NECTIN1: variants seen among roughly 807,000 people sequenced by gnomAD.
NECTIN1 encodes nectin cell adhesion molecule 1.
Under a neutral mutation model 48.0 loss-of-function variants are expected in NECTIN1, and 23 were observed. The ratio of observed to expected loss-of-function variants is 0.48; its 90% CI spans 0.34 to 0.68. NECTIN1 has a LOEUF of 0.68. Among genes scored for constraint, NECTIN1 ranks in the 30% least tolerant of loss-of-function variants. The pLI is 0.01. For missense variants in NECTIN1, 591 were observed against 709.9 expected (o/e 0.83, Z 1.90); for synonymous variants, 270 against 288.9 (o/e 0.93, Z 0.66).
chr11:119,645,854 G>T (rs192422883), intron 5 of NECTIN1, among the ~76,000 whole-genome samples: 1 of 152,310 alleles, frequency 6.6e-6, no homozygotes, highest in Admixed American at 6.5e-5. Flanking sequence ...GAGCCAGGGT[G>T]GTGAGGGAAC....
rs575574028 is a variant in NECTIN1 at position 119,661,660 on chromosome 11, G to C, written c.*3087C>G. 106 of 985,902 alleles carry C rather than the reference G, an allele frequency of 1.1e-4. No individual in the cohort carries two copies. In the South Asian group the frequency reaches 4.2e-3, roughly 39 times the overall value. 61.1% of individuals were successfully genotyped at this position (985,902 alleles called of 1,614,324 possible). A position where few individuals can be genotyped will look rare whatever the true frequency, so the allele number is the denominator to read the frequency against. On this transcript the variant is annotated 3_prime_UTR_variant, in exon 6 of 6. Transcript: ENST00000264025. Reference sequence around the variant, plus strand: ...AGAAAAGTTATTGCACCAGTGACTTGGGCAAGTGGGGGTTGGCTGGCAGAG... The same window carrying C: ...AGAAAAGTTATTGCACCAGTGACTTCGGCAAGTGGGGGTTGGCTGGCAGAG...
chr11:119,664,885 A>G lies in NECTIN1; in HGVS notation c.1416T>C (p.Asp472=). Reference sequence around the variant, plus strand: ...AGCCGTCCTGACGGGCCTCGGCCTCATCCACGGTGAAGTAGGGCCGCTTGG... The same window carrying G: ...AGCCGTCCTGACGGGCCTCGGCCTCGTCCACGGTGAAGTAGGGCCGCTTGG... The part of the protein sequence containing the change: ...EDAKRPYFTV[D]EAEARQDGYG... Residue 472 remains aspartate (D), a synonymous_variant, in exon 6 of 6, where the codon GAT becomes GAC. Transcript: ENST00000264025. 1 of 1,613,998 alleles carries G rather than the reference A, an allele frequency of 6.2e-7. No individual in the cohort carries two copies. Among genetic ancestry groups the G allele is most frequent in the South Asian group, 1.1e-5 (1 of 91,078 alleles).
chr11:119,696,826 C>T (rs145542349), intron 1 of NECTIN1, among the ~76,000 whole-genome samples: 34 of 152,290 alleles, frequency 2.2e-4, no homozygotes, highest in Admixed American at 7.2e-4. Flanking sequence ...GGCATAGGGG[C>T]GGATGGGGCG....
At chr11:119,647,011 G>A (rs1401240866) in intron 5 of NECTIN1, among the ~76,000 whole-genome samples, 2 of 152,108 alleles carry the variant, frequency 1.3e-5, no homozygotes, top group African/African-American at 2.4e-5. Flanking sequence ...GCTGAGGCTC[G>A]CATCCCTGAT....
Position 119,673,191 on chromosome 11 carries a change from C to T in NECTIN1, c.1003+1968G>A, listed in dbSNP as rs1288263716. 1.3e-5 allele frequency among the ~76,000 whole-genome samples: 2 copies of T among 152,190 alleles called. No individual in the cohort carries two copies. Among genetic ancestry groups the T allele is most frequent in the Admixed American group, 6.5e-5 (1 of 15,276 alleles). On this transcript the variant is annotated intron_variant, in intron 5 of 5. Transcript: ENST00000264025. The surrounding 1 kb of genome is among the most constrained non-coding windows in gnomAD (Gnocchi z 5.8). Reference sequence around the variant, plus strand: ...TGGAGGGTGGTGAGGTCAGCTGCTGCTTGGAAATTGCCTGAGAGCACAAGA... The same window carrying T: ...TGGAGGGTGGTGAGGTCAGCTGCTGTTTGGAAATTGCCTGAGAGCACAAGA...
At position 119,661,361 on chromosome 11, in the gene NECTIN1, T is replaced by C; in HGVS notation, c.*3386A>G. On this transcript the variant is annotated 3_prime_UTR_variant, in exon 6 of 6. Transcript: ENST00000264025. Reference sequence around the variant, plus strand: ...ACAAGCTGGGCAGTGTTGGCAGCAGTGGCAGCAGCAGAGGGGCCTGCCTCC... The same window carrying C: ...ACAAGCTGGGCAGTGTTGGCAGCAGCGGCAGCAGCAGAGGGGCCTGCCTCC... The C allele has an allele frequency of 3.0e-6, 3 of 986,540 alleles. No homozygotes were observed. The highest frequency in any genetic ancestry group is 9.4e-5 in the South Asian group (2 of 21,292). 61.1% of individuals were successfully genotyped at this position (986,540 alleles called of 1,614,324 possible). A position where few individuals can be genotyped will look rare whatever the true frequency, so the allele number is the denominator to read the frequency against.
chr11:119,690,319 C>CA (rs1422311213), intron 1 of NECTIN1, among the ~76,000 whole-genome samples: 11 of 151,778 alleles, frequency 7.2e-5, no homozygotes, highest in South Asian at 4.2e-4. Context: ...CCAACAACAA[C>CA]AAAAAAAATA....
chr11:119,649,390 A>G (rs1864458037), intron 5 of NECTIN1, among the ~76,000 whole-genome samples: 1 of 149,726 alleles, frequency 6.7e-6, no homozygotes, highest in Non-Finnish European at 1.5e-5. Flanking sequence ...AAAAAAAAAA[A>G]AGAAAAAGAA....
intron 1 of NECTIN1, among the ~76,000 whole-genome samples, chr11:119,719,188 A>G (rs896100950): frequency 2.0e-5 from 3 of 152,186 alleles, no homozygotes; most frequent in South Asian, 4.1e-4. Flanking sequence ...TTCAGCACTA[A>G]TAACTCCCCA....
At chr11:119,691,609 G>A (rs1397832976) in intron 1 of NECTIN1, among the ~76,000 whole-genome samples, 6 of 152,216 alleles carry the variant, frequency 3.9e-5, no homozygotes, top group African/African-American at 1.4e-4. Context: ...AAGGCTGAAA[G>A]GGGCGGTGGG....
intron 5 of NECTIN1, chr11:119,640,734 G>C (rs991093229): frequency 2.0e-5 from 3 of 152,328 alleles, no homozygotes; most frequent in Non-Finnish European, 4.4e-5. Flanking sequence ...GGCACATGCT[G>C]CTTCTCAGCG....
intron 1 of NECTIN1, among the ~76,000 whole-genome samples, chr11:119,711,291 G>A (rs1011630765): frequency 1.3e-5 from 2 of 151,998 alleles, no homozygotes; most frequent in Non-Finnish European, 2.9e-5. Context: ...TTGGGAGGCT[G>A]AGGCAGGAGA....
chr11:119,667,288 C>G (rs1267736243), intron 5 of NECTIN1, among the ~76,000 whole-genome samples: 2 of 152,240 alleles, frequency 1.3e-5, no homozygotes, highest in African/African-American at 2.4e-5. Flanking sequence ...TGCCTGCCCC[C>G]CTCCTCGGTT....
chr11:119,728,533 C>A lies in NECTIN1; in HGVS notation c.21G>T (p.Ala7=). 1 of 1,591,616 alleles carries A rather than the reference C, an allele frequency of 6.3e-7. No individual in the cohort carries two copies. Among genetic ancestry groups the A allele is most frequent in the East Asian group, 2.3e-5 (1 of 42,960 alleles). The change falls in exon 1 of 6, where the codon GCG becomes GCT. Residue 7 remains alanine (A), a synonymous_variant. Coordinates refer to ENST00000264025, the MANE Select transcript of NECTIN1 (RefSeq NM_002855.5). ...GTCCCCACCAGCGTCCAGCGGCGCC[C>A]GCAAGCCCCATCCGAGCCATCGGGG... is the stretch of plus-strand genomic sequence containing the variant. MARMGL[A]GAAGRWWGLA... is the part of the protein sequence containing the mutation.
chr11:119,677,688 G>A lies in NECTIN1; in HGVS notation c.600C>T (p.Asn200=). The change falls in exon 3 of 6, where the codon AAC becomes AAT. Residue 200 remains asparagine (N), a synonymous_variant. Transcript: ENST00000264025. The surrounding 1 kb of genome is among the most constrained non-coding windows in gnomAD (Gnocchi z 5.4). ...KGEAEYQEIR[N]PNGTVTVISR... The stretch of plus-strand genomic sequence containing the variant: ...TGATGACCGTCACTGTGCCATTGGG[G>A]TTCCGGATCTCCTGGTACTCTGCCT... The A allele has an allele frequency of 6.2e-7, 1 of 1,614,156 alleles. No homozygotes were observed. Among genetic ancestry groups the A allele is most frequent in the Non-Finnish European group, 8.5e-7 (1 of 1,180,028 alleles).
rs114142176 is a variant in NECTIN1, at chr11:119,695,487, G to A, written c.80-16722C>T. On this transcript the variant is annotated intron_variant, in intron 1 of 5. Coordinates refer to ENST00000264025, the MANE Select transcript of NECTIN1 (RefSeq NM_002855.5). The stretch of plus-strand genomic sequence containing the variant: ...CATGAAGACAGACGTGCTCACCCCC[G>A]ACGTCCCAGCACACAGCCTGACACC... Among the ~76,000 whole-genome samples, 982 of 152,238 alleles carry A rather than the reference G, an allele frequency of 6.5e-3. 12 individuals are homozygous for A. Among genetic ancestry groups the A allele is most frequent in the African/African-American group, 0.022 (917 of 41,524 alleles).
chr11:119,646,089 G>T (rs1011317319), intron 5 of NECTIN1, among the ~76,000 whole-genome samples: 6 of 152,198 alleles, frequency 3.9e-5, no homozygotes, highest in African/African-American at 1.4e-4. Flanking sequence ...CTCTAGCCTG[G>T]ACTGGCTTGC....
In NECTIN1 at chr11:119,677,457, G is replaced by T; in HGVS notation, c.733+98C>A. 7.2e-7 allele frequency: 1 copy of T among 1,380,054 alleles called. No homozygotes were observed. Among genetic ancestry groups the T allele is most frequent in the Non-Finnish European group, 1.0e-6 (1 of 973,914 alleles). 85.5% of individuals were successfully genotyped at this position (1,380,054 alleles called of 1,614,324 possible). A position where few individuals can be genotyped will look rare whatever the true frequency, so the allele number is the denominator to read the frequency against. On this transcript the variant is annotated intron_variant, in intron 3 of 5. Coordinates refer to ENST00000264025, the MANE Select transcript of NECTIN1 (RefSeq NM_002855.5). This position sits in a 1 kb window ranked among gnomAD's most constrained non-coding sequence, Gnocchi z 5.4. ...AGGGGAGACAGGAGGGGAGAAGAAA[G>T]CACCCCCAGAAAGAGAAAGGGAGGA...
At chr11:119,638,240 TGGACAA>T in exon 8 of NECTIN1, 2 of 1,613,990 alleles carry the variant, frequency 1.2e-6, no homozygotes, top group Non-Finnish European at 1.7e-6. Context: ...TGGGTCCAGG[TGGACAA>T]CCTGGAAGAG....
Sources: gnomAD v4.1 joint callset for allele counts (sites outside exome capture counted in the v4.1 genomes callset) on GRCh38, gnomAD v4.1.1 for gene constraint, Gnocchi (gnomAD v3.1) non-coding constraint, MANE v1.5 for transcripts, NCBI Gene and HGNC (gene_info 2026-07-23, HGNC 2026-07-21) for gene names.